Variants in GLI2 observed in about 807,000 individuals in gnomAD.
GLI2 encodes transcription activator GLI2.
GLI2 carries 22 observed loss-of-function variants against 78.9 expected under a neutral mutation model. That is an observed-to-expected ratio of 0.28 (90% CI 0.20 to 0.40). GLI2 has a LOEUF of 0.40. GLI2 is among the 10% of genes least tolerant of loss of function. GLI2 has a pLI of 1.00. For synonymous variants in GLI2, 974 were observed against 963.7 expected (o/e 1.01, Z -0.20); for missense variants, 2,097 against 2,213.2 (o/e 0.95, Z 1.05).
chr2:120,798,583 G>C (rs1684526349), intron 2 of GLI2, among the ~76,000 whole-genome samples: 1 of 152,226 alleles, frequency 6.6e-6, no homozygotes. Context: ...CTCATGTCAG[G>C]AAAGGGAGAT....
intron 1 of GLI2, among the ~76,000 whole-genome samples, chr2:120,776,542 G>A (rs1020451550): frequency 1.3e-5 from 2 of 152,164 alleles, no homozygotes; most frequent in African/African-American, 4.8e-5. Context: ...CCTGGGCGGT[G>A]GAGTGGGGTC....
intron 2 of GLI2, among the ~76,000 whole-genome samples, chr2:120,807,285 C>T (rs1164157402): frequency 6.6e-6 from 1 of 152,136 alleles, no homozygotes; most frequent in Non-Finnish European, 1.5e-5. Flanking sequence ...CTGTGCTGAT[C>T]CGAACCCCAG....
chr2:120,789,805 A>G (rs1283594652), intron 1 of GLI2, among the ~76,000 whole-genome samples: 1 of 152,242 alleles, frequency 6.6e-6, no homozygotes, highest in Admixed American at 6.5e-5. Flanking sequence ...GCCCACCAGC[A>G]CTGCCGTATC....
intron 1 of GLI2, among the ~76,000 whole-genome samples, chr2:120,742,466 T>C (rs1203073770): frequency 2.0e-5 from 3 of 152,164 alleles, no homozygotes; most frequent in Non-Finnish European, 4.4e-5. Context: ...GTTGAATTGA[T>C]TGAAATTTAA....
intron 3 of GLI2, among the ~76,000 whole-genome samples, chr2:120,931,396 C>T (rs1679938657): frequency 1.3e-5 from 2 of 152,306 alleles, no homozygotes; most frequent in African/African-American, 2.4e-5. Context: ...GCCTTTCGGG[C>T]CTACTGGGAT....
At chr2:120,987,325 G>A (rs1683026340) in intron 13 of GLI2, among the ~76,000 whole-genome samples, 1 of 152,206 alleles carries the variant, frequency 6.6e-6, no homozygotes, top group African/African-American at 2.4e-5. Flanking sequence ...GGGACTACTG[G>A]CAAATGGCCT....
chr2:120,829,589 G>A (rs1686257810), intron 2 of GLI2, among the ~76,000 whole-genome samples: 1 of 152,240 alleles, frequency 6.6e-6, no homozygotes, highest in African/African-American at 2.4e-5. Context: ...GGGCCTAACA[G>A]CTGTTTCCCA....
chr2:120,789,792 C>G (rs1374392126), intron 1 of GLI2, among the ~76,000 whole-genome samples: 1 of 152,258 alleles, frequency 6.6e-6, no homozygotes, highest in Non-Finnish European at 1.5e-5. Flanking sequence ...CAGACATGCA[C>G]TGGCCCACCA....
At chr2:120,748,497 G>A (rs565697369) in intron 1 of GLI2, among the ~76,000 whole-genome samples, 1 of 152,320 alleles carries the variant, frequency 6.6e-6, no homozygotes, top group African/African-American at 2.4e-5. Flanking sequence ...GCTGGACAGG[G>A]TGTGGCATTT....
intron 2 of GLI2, among the ~76,000 whole-genome samples, chr2:120,856,733 C>T (rs145742838): frequency 2.1e-3 from 322 of 152,246 alleles, no homozygotes; most frequent in Non-Finnish European, 3.4e-3. Context: ...CTCTGCAGAC[C>T]AGCGCTTTCC....
At chr2:120,760,894 G>A (rs1683194089) in intron 1 of GLI2, among the ~76,000 whole-genome samples, 1 of 152,194 alleles carries the variant, frequency 6.6e-6, no homozygotes, top group Non-Finnish European at 1.5e-5. Context: ...AGGTTCTCCT[G>A]ACCCTGAACG....
At chr2:120,782,148 A>G (rs562376714) in intron 1 of GLI2, among the ~76,000 whole-genome samples, 16 of 152,310 alleles carry the variant, frequency 1.1e-4, no homozygotes, top group Middle Eastern at 3.4e-3. Context: ...ATTAAGAACT[A>G]TTTCCCTCCC....
At position 120,986,990 on chromosome 2, in the gene GLI2, G is replaced by A. The variant is rs115276669; in HGVS notation, c.2242+376G>A. On this transcript the variant is annotated intron_variant, in intron 13 of 13. Transcript: ENST00000361492. ...CATTTAATTCCAGTCCCAAAGGAGC[G>A]TATGGTTAGAAGGCTGTGCCACCAG... Among the ~76,000 whole-genome samples the A allele has an allele frequency of 6.3e-3, 966 of 152,318 alleles. 13 individuals carry two copies. Among genetic ancestry groups the A allele is most frequent in the African/African-American group, 0.022 (906 of 41,560 alleles).
Position 120,989,653 on chromosome 2 carries a change from T to A in GLI2, c.3688T>A (p.Tyr1230Asn). The change falls in exon 14 of 14, where the codon TAT (tyrosine) becomes AAT (asparagine). Residue 1230 changes from tyrosine to asparagine, a missense_variant. Tyr to Asn is a moderately radical substitution (Grantham distance 143). This residue lies in a region of GLI2 where 1,290 missense variants were observed against 1,261.7 expected (regional missense o/e 1.02). Transcript: ENST00000361492. Reference protein sequence around the residue: ...MTTTMSPHACYGQVHPQLSPS... With the variant: ...MTTTMSPHACNGQVHPQLSPS... ...TACCACTATGAGCCCCCATGCCTGC[T>A]ATGGCCAAGTCCACCCCCAGCTGAG... 2 of 1,613,408 alleles carry A rather than the reference T, an allele frequency of 1.2e-6. No homozygotes were observed. The highest frequency in any genetic ancestry group is 2.2e-5 in the South Asian group (2 of 91,080).
intron 5 of GLI2, among the ~76,000 whole-genome samples, chr2:120,957,778 C>A (rs1433250782): frequency 1.3e-5 from 2 of 152,244 alleles, no homozygotes; most frequent in Non-Finnish European, 2.9e-5. Context: ...TGCAGACTGC[C>A]TCTGTTCTGT....
intron 5 of GLI2, among the ~76,000 whole-genome samples, chr2:120,967,527 C>G (rs185543307): frequency 1.2e-3 from 179 of 152,274 alleles, no homozygotes; most frequent in Admixed American, 2.2e-3. Context: ...AGTGGAAGAG[C>G]CTTTGGTTCT....
At chr2:120,815,608 C>A (rs1181911994) in intron 2 of GLI2, among the ~76,000 whole-genome samples, 1 of 152,222 alleles carries the variant, frequency 6.6e-6, no homozygotes, top group African/African-American at 2.4e-5. Context: ...TGCCTGCGCA[C>A]CTCTGACGGT....
chr2:120,935,031 T>C (rs1223833034), intron 3 of GLI2, among the ~76,000 whole-genome samples: 1 of 152,234 alleles, frequency 6.6e-6, no homozygotes. Flanking sequence ...TTCTTCTTGA[T>C]TCTTGGCACA....
intron 2 of GLI2, among the ~76,000 whole-genome samples, chr2:120,831,657 C>G (rs1686366226): frequency 6.6e-6 from 1 of 152,216 alleles, no homozygotes; most frequent in Non-Finnish European, 1.5e-5. Context: ...CTCTGGTTGT[C>G]ACACAGCCCC....
Sources: gnomAD v4.1 joint callset for allele counts (sites outside exome capture counted in the v4.1 genomes callset) on GRCh38, gnomAD v4.1.1 for gene constraint, gnomAD v4.1.1 regional missense constraint, MANE v1.5 for transcripts, NCBI Gene and HGNC (gene_info 2026-07-23, HGNC 2026-07-21) for gene names.